The following YPEL5 variants were observed in gnomAD, a reference collection of about 807,000 sequenced individuals.
YPEL5 encodes the protein yippee like 5.
In YPEL5, 1 loss-of-function variant was observed where a neutral mutation model predicts 10.5. The observed-to-expected ratio is 0.10, with a 90% CI of 0.03 to 0.45. The LOEUF (loss-of-function observed/expected upper bound fraction) is 0.45, where lower values mean the gene tolerates loss of function less well. Among genes scored for constraint, YPEL5 ranks in the 20% least tolerant of loss-of-function variants. The probability of loss-of-function intolerance (pLI) is 0.97; values close to 1 mark genes in which losing one functional copy is unlikely to be tolerated. For missense variants in YPEL5, 68 were observed against 159.3 expected, an observed-to-expected ratio of 0.43 and a Z score of 3.09; for synonymous variants, 61 against 56.6, an observed-to-expected ratio of 1.08 and a Z score of -0.35.
At chr2:30,149,218 T>G (rs1205605347) in intron 1 of YPEL5, among the ~76,000 whole-genome samples, 3 of 152,196 alleles carry the variant, frequency 2.0e-5, no homozygotes, top group African/African-American at 7.2e-5. Flanking sequence ...TAAGTGTTAT[T>G]GAAATATAGT....
chr2:30,150,119 C>G (rs1224417115), intron 1 of YPEL5, among the ~76,000 whole-genome samples: 3 of 152,222 alleles, frequency 2.0e-5, no homozygotes, highest in African/African-American at 7.2e-5. Context: ...TTCTAACTTT[C>G]CTCCAGCTTC....
chr2:30,156,899 G>C lies in YPEL5; in HGVS notation c.141+107G>C, dbSNP rs368001002. The C allele has an allele frequency of 2.1e-4, 281 of 1,342,802 alleles. 4 individuals carry two copies. The East Asian group carries it at 4.6e-3, about 22-fold the overall frequency. 83.2% of individuals were successfully genotyped at this position (1,342,802 alleles called of 1,614,324 possible). ...GAGATACCAGGAAGAGTCAGAATGA[G>C]AGCTTGAAATCTACAGAAATGATTG... is the stretch of plus-strand genomic sequence containing the variant. On this transcript the variant is annotated intron_variant, in intron 2 of 2. Transcript: ENST00000261353.
chr2:30,152,408 G>A (rs1675841072), intron 1 of YPEL5, among the ~76,000 whole-genome samples: 1 of 152,198 alleles, frequency 6.6e-6, no homozygotes, highest in Non-Finnish European at 1.5e-5. Context: ...CTAATACAGT[G>A]ATGAAGGGGA....
intron 1 of YPEL5, 126 bp downstream of exon 1, chr2:30,147,188 C>G (rs1675448879): frequency 1.3e-5 from 2 of 152,170 alleles, no homozygotes; most frequent in East Asian, 1.9e-4. Context: ...GTGCCTCTTC[C>G]TCGCCGCGCT....
intron 1 of YPEL5, among the ~76,000 whole-genome samples, chr2:30,152,676 C>T (rs1675853371): frequency 6.6e-6 from 1 of 152,148 alleles, no homozygotes; most frequent in Admixed American, 6.5e-5. Context: ...GTCACAGTCT[C>T]TTTAATTCAT....
intron 2 of YPEL5, among the ~76,000 whole-genome samples, chr2:30,157,357 A>C (rs1486296744): frequency 6.6e-6 from 1 of 152,128 alleles, no homozygotes; most frequent in Non-Finnish European, 1.5e-5. Context: ...TTTGGTAGCA[A>C]CTTCAGCACA....
chr2:30,154,293 A>C (rs1675941440), intron 1 of YPEL5, among the ~76,000 whole-genome samples: 1 of 152,240 alleles, frequency 6.6e-6, no homozygotes, highest in Non-Finnish European at 1.5e-5. Flanking sequence ...CAGAAACATG[A>C]CCAAACTTAA....
chr2:30,147,622 C>G (rs908708392), intron 1 of YPEL5: 1 of 152,046 alleles, frequency 6.6e-6, no homozygotes, highest in African/African-American at 2.4e-5. Context: ...CTGAGCAGGG[C>G]CCACGCCCGG....
intron 2 of YPEL5, among the ~76,000 whole-genome samples, chr2:30,157,978 C>T (rs55814236): frequency 0.038 from 5,784 of 152,294 alleles, 159 homozygotes; most frequent in South Asian, 0.072. Context: ...CCGTCAAAGC[C>T]AGAAATATGT....
chr2:30,150,922 T>TA (rs1346831632), intron 1 of YPEL5, among the ~76,000 whole-genome samples: 1 of 152,230 alleles, frequency 6.6e-6, no homozygotes, highest in African/African-American at 2.4e-5. Context: ...GCTGTGTTCC[T>TA]AAAAACTTTG....
At position 30,149,053 on chromosome 2, in the gene YPEL5, C is replaced by T. The variant is rs567541314; in HGVS notation, c.-25+1991C>T. 2.0e-5 allele frequency among the ~76,000 whole-genome samples: 3 copies of T among 152,248 alleles called. No homozygotes were observed. The South Asian group carries it at 6.2e-4, about 32-fold the overall frequency. ...CCAGACAGGTAAATTACACGTCAATCCATCTAGTTAGAGGCTTTTGGTATT... is the reference window on the plus strand; with the variant it reads ...CCAGACAGGTAAATTACACGTCAATTCATCTAGTTAGAGGCTTTTGGTATT... On this transcript the variant is annotated intron_variant, in intron 1 of 2. Transcript: ENST00000261353.
intron 2 of YPEL5, among the ~76,000 whole-genome samples, chr2:30,157,414 T>C (rs2103520711): frequency 6.6e-6 from 1 of 152,332 alleles, no homozygotes; most frequent in Non-Finnish European, 1.5e-5. Flanking sequence ...TTTCTCCACA[T>C]GTCACTGGTT....
intron 1 of YPEL5, among the ~76,000 whole-genome samples, chr2:30,151,973 C>T (rs1675813214): frequency 1.3e-5 from 2 of 152,146 alleles, no homozygotes; most frequent in African/African-American, 2.4e-5. Flanking sequence ...CAGTGGTTGC[C>T]AGTGGCTGGG....
rs148495687 is a variant in YPEL5 at position 30,154,892 on chromosome 2, C to T, written c.-24-1736C>T. Among the ~76,000 whole-genome samples the T allele has an allele frequency of 6.8e-3, 1,028 of 152,280 alleles. 11 individuals carry two copies. Among genetic ancestry groups the T allele is most frequent in the African/African-American group, 0.024 (980 of 41,532 alleles). ...TAGCTGAGACTACAGGCGTGCGCCA[C>T]CACGTCTGACTAATTTTTGTATTTT... is the stretch of plus-strand genomic sequence containing the variant. On this transcript the variant is annotated intron_variant, in intron 1 of 2. Coordinates refer to ENST00000261353, the MANE Select transcript of YPEL5 (RefSeq NM_016061.3).
At chr2:30,149,144 T>C (rs1007376645) in intron 1 of YPEL5, among the ~76,000 whole-genome samples, 1 of 152,244 alleles carries the variant, frequency 6.6e-6, no homozygotes, top group African/African-American at 2.4e-5. Flanking sequence ...CCAACTCAGA[T>C]TGTGCACTAA....
intron 2 of YPEL5, 64 bp downstream of exon 2, chr2:30,156,856 A>T: frequency 6.3e-7 from 1 of 1,576,310 alleles, no homozygotes; most frequent in South Asian, 1.1e-5. Flanking sequence ...CAACACCAGA[A>T]TACCCCCTCA....
At chr2:30,156,568 C>G in intron 1 of YPEL5, 60 bp from the exon 2 acceptor site, 1 of 1,506,366 alleles carries the variant, frequency 6.6e-7, no homozygotes, top group Non-Finnish European at 9.1e-7. Flanking sequence ...TGACACCCCC[C>G]AAGTAGGTGC....
At chr2:30,154,296 A>C (rs569289871) in intron 1 of YPEL5, among the ~76,000 whole-genome samples, 3 of 152,362 alleles carry the variant, frequency 2.0e-5, no homozygotes, top group African/African-American at 7.2e-5. Flanking sequence ...AAACATGACC[A>C]AACTTAACTG....
At chr2:30,151,942 G>A (rs934389582) in intron 1 of YPEL5, among the ~76,000 whole-genome samples, 1 of 152,308 alleles carries the variant, frequency 6.6e-6, no homozygotes, top group African/African-American at 2.4e-5. Context: ...GAATATAAAA[G>A]CAATCAGACA....
Sources: gnomAD v4.1 joint callset for allele counts (sites outside exome capture counted in the v4.1 genomes callset) on GRCh38, gnomAD v4.1.1 for gene constraint, MANE v1.5 for transcripts, NCBI Gene and HGNC (gene_info 2026-07-23, HGNC 2026-07-21) for gene names.